The following TSPAN12 variants were observed in gnomAD, a reference collection of about 807,000 sequenced individuals.
TSPAN12 encodes tetraspanin-12.
Under a neutral mutation model 39.2 loss-of-function variants are expected in TSPAN12, and 19 were observed. The ratio of observed to expected loss-of-function variants is 0.49; its 90% CI spans 0.34 to 0.71. The LOEUF (loss-of-function observed/expected upper bound fraction) is 0.71, where lower values mean the gene tolerates loss of function less well. Ranked by LOEUF, TSPAN12 falls within the 30% of genes least tolerant of loss-of-function variation. The pLI, the probability that TSPAN12 is intolerant of heterozygous loss-of-function variation, is 0.01. For synonymous variants in TSPAN12, 119 were observed against 124.8 expected (o/e 0.95, Z 0.31); for missense variants, 314 against 359.9 (o/e 0.87, Z 1.03).
At chr7:120,832,068 A>C (rs1794400281) in intron 4 of TSPAN12, among the ~76,000 whole-genome samples, 2 of 152,044 alleles carry the variant, frequency 1.3e-5, no homozygotes, top group Non-Finnish European at 2.9e-5. Context: ...ATGCTGAATA[A>C]TTTTTCATTT....
chr7:120,825,229 G>A (rs1794262958), intron 4 of TSPAN12, among the ~76,000 whole-genome samples: 1 of 152,010 alleles, frequency 6.6e-6, no homozygotes, highest in South Asian at 2.1e-4. Context: ...CTGCTACACT[G>A]AAAGAAAAGT....
At chr7:120,815,579 C>A in intron 5 of TSPAN12, 150 bp downstream of exon 5, 1 of 745,206 alleles carries the variant, frequency 1.3e-6, no homozygotes, top group South Asian at 1.6e-5. Flanking sequence ...CCTGAGGCCT[C>A]CCCAGCCATG....
At chr7:120,810,389 TA>T in intron 6 of TSPAN12, 73 bp downstream of exon 6, 1 of 969,618 alleles carries the variant, frequency 1.0e-6, no homozygotes, top group Non-Finnish European at 1.7e-6. Context: ...TTACCAAAGC[TA>T]AAGCTTTAAA....
intron 1 of TSPAN12, chr7:120,857,282 T>A: frequency 4.0e-6 from 1 of 247,634 alleles, no homozygotes; most frequent in South Asian, 5.4e-5. Context: ...ATGAGCGCCC[T>A]TCTAGTTAGG....
At chr7:120,796,593 T>C (rs1309879608) in intron 7 of TSPAN12, among the ~76,000 whole-genome samples, 1 of 152,122 alleles carries the variant, frequency 6.6e-6, no homozygotes, top group African/African-American at 2.4e-5. Context: ...AATTGGGATG[T>C]AGAAGAAAAA....
chr7:120,812,188 C>G (rs1793995812), intron 5 of TSPAN12, among the ~76,000 whole-genome samples: 1 of 152,062 alleles, frequency 6.6e-6, no homozygotes, highest in Non-Finnish European at 1.5e-5. Flanking sequence ...TATACAGTAC[C>G]ACAGTCATTG....
chr7:120,842,158 C>G (rs145575240), intron 2 of TSPAN12, among the ~76,000 whole-genome samples: 4 of 152,208 alleles, frequency 2.6e-5, no homozygotes, highest in Non-Finnish European at 5.9e-5. Flanking sequence ...TCTGCGCTAA[C>G]TCAGCTGGTG....
chr7:120,833,253 A>G (rs1794419693), intron 4 of TSPAN12, among the ~76,000 whole-genome samples: 1 of 152,164 alleles, frequency 6.6e-6, no homozygotes, highest in Non-Finnish European at 1.5e-5. Flanking sequence ...ATACAACTTA[A>G]TAGGTTAATT....
intron 2 of TSPAN12, among the ~76,000 whole-genome samples, chr7:120,852,806 T>C (rs1303833055): frequency 6.6e-6 from 1 of 152,148 alleles, no homozygotes; most frequent in Non-Finnish European, 1.5e-5. Flanking sequence ...TTCTGCTACT[T>C]ACTAGCAAGT....
intron 6 of TSPAN12, 23 bp from the exon 7 acceptor site, chr7:120,806,715 G>A: frequency 6.2e-7 from 1 of 1,612,726 alleles, no homozygotes; most frequent in Non-Finnish European, 8.5e-7. Flanking sequence ...TCACTAGTCA[G>A]CCTCAGAAAC....
At chr7:120,791,956 C>T (rs981537740) in intron 7 of TSPAN12, among the ~76,000 whole-genome samples, 3 of 152,162 alleles carry the variant, frequency 2.0e-5, no homozygotes, top group Non-Finnish European at 2.9e-5. Context: ...AGAATCTCTA[C>T]TCATATAATC....
At chr7:120,818,217 C>T (rs1236851493) in intron 4 of TSPAN12, among the ~76,000 whole-genome samples, 6 of 151,958 alleles carry the variant, frequency 3.9e-5, no homozygotes, top group Admixed American at 3.3e-4. Flanking sequence ...TGCAAGTAGA[C>T]GTTATGATGT....
At chr7:120,815,234 T>A (rs1204872137) in intron 5 of TSPAN12, among the ~76,000 whole-genome samples, 8 of 152,226 alleles carry the variant, frequency 5.3e-5, no homozygotes, top group Non-Finnish European at 4.4e-5. Flanking sequence ...GTATTGGGAT[T>A]ATTAACTGTT....
rs887060037 is a variant in TSPAN12, at chr7:120,787,879, A to G, written c.*713T>C. On this transcript the variant is annotated 3_prime_UTR_variant, in exon 8 of 8. Transcript: ENST00000222747. ...AGGACAGAATAGTAAAGCTTTATTA[A>G]CAGGAAAGGCTAAAAATAATGATGC... 4.6e-5 allele frequency: 7 copies of G among 152,726 alleles called. No individual in the cohort carries two copies. The highest frequency in any genetic ancestry group is 8.8e-5 in the Non-Finnish European group (6 of 68,114). 9.5% of individuals were successfully genotyped at this position (152,726 alleles called of 1,614,324 possible). A position where few individuals can be genotyped will look rare whatever the true frequency, so the allele number is the denominator to read the frequency against.
chr7:120,804,056 G>C (rs1584927918), intron 7 of TSPAN12, among the ~76,000 whole-genome samples: 1 of 152,178 alleles, frequency 6.6e-6, no homozygotes, highest in East Asian at 1.9e-4. Context: ...CATATCATCA[G>C]TATTAATCAC....
intron 2 of TSPAN12, among the ~76,000 whole-genome samples, chr7:120,841,633 A>ATTAAGT (rs3067939): frequency 0.96 from 146,094 of 152,228 alleles, 70,171 homozygotes; most frequent in Middle Eastern, 1. Flanking sequence ...ATGAGAATAT[A>ATTAAGT]TTATTTTTTA....
rs1584931910 is a variant in TSPAN12, at chr7:120,810,584, G to A, written c.361-14C>T. ...TTGTACTGGAACCTGGTGATAAAAA[G>A]CAAAATATCAACAGCTGTAGCTCAC... On this transcript the variant is annotated splice_polypyrimidine_tract_variant and intron_variant, in intron 5 of 7. Transcript: ENST00000222747. The A allele has an allele frequency of 6.7e-7, 1 of 1,487,754 alleles. No homozygotes were observed. The highest frequency in any genetic ancestry group is 9.4e-7 in the Non-Finnish European group (1 of 1,067,426). 92.2% of individuals were successfully genotyped at this position (1,487,754 alleles called of 1,614,324 possible). A position where few individuals can be genotyped will look rare whatever the true frequency, so the allele number is the denominator to read the frequency against.
chr7:120,844,998 G>A (rs1794645952), intron 2 of TSPAN12, among the ~76,000 whole-genome samples: 2 of 152,258 alleles, frequency 1.3e-5, no homozygotes, highest in South Asian at 4.1e-4. Context: ...CTCTGAAATT[G>A]AGTCAGAGGC....
At chr7:120,836,024 C>G (rs953723162) in intron 4 of TSPAN12, among the ~76,000 whole-genome samples, 9 of 152,024 alleles carry the variant, frequency 5.9e-5, no homozygotes, top group Non-Finnish European at 1.3e-4. Context: ...GTACATACTT[C>G]ATTACCCAAT....
Sources: gnomAD v4.1 joint callset for allele counts (sites outside exome capture counted in the v4.1 genomes callset) on GRCh38, gnomAD v4.1.1 for gene constraint, MANE v1.5 for transcripts, NCBI Gene and HGNC (gene_info 2026-07-23, HGNC 2026-07-21) for gene names.